Variants in PRR16 observed in about 807,000 individuals in gnomAD.
PRR16 encodes the protein protein Largen.
In PRR16, 6 loss-of-function variants were observed where a neutral mutation model predicts 18.2. The observed-to-expected ratio is 0.33, with a 90% CI of 0.18 to 0.65. PRR16 has a LOEUF of 0.65. Among genes scored for constraint, PRR16 ranks in the 30% least tolerant of loss-of-function variants. PRR16 has a pLI of 0.74. For missense variants in PRR16, 412 were observed against 376.6 expected (o/e 1.09, Z -0.78); for synonymous variants, 151 against 147.8 (o/e 1.02, Z -0.16).
intron 1 of PRR16, among the ~76,000 whole-genome samples, chr5:120,496,258 A>G (rs774835935): frequency 2.0e-5 from 3 of 152,028 alleles, no homozygotes; most frequent in East Asian, 3.8e-4. Context: ...TCTATTTTCT[A>G]GAAAATATTG....
intron 1 of PRR16, among the ~76,000 whole-genome samples, chr5:120,558,449 C>G (rs1752482000): frequency 6.6e-6 from 1 of 151,862 alleles, no homozygotes; most frequent in Non-Finnish European, 1.5e-5. Flanking sequence ...TGACTTCCAG[C>G]TCCATCCATG....
the PRR16 span, among the ~76,000 whole-genome samples, chr5:120,758,965 C>A: frequency 4.9e-3 from 715 of 144,622 alleles, 11 homozygotes; most frequent in African/African-American, 0.017. Context: ...GATTTTTGTA[C>A]CATAATTTCT....
chr5:120,754,905 G>C, the PRR16 span, among the ~76,000 whole-genome samples: 2 of 151,326 alleles, frequency 1.3e-5, no homozygotes, highest in African/African-American at 4.8e-5. Context: ...TATTTTACTT[G>C]ATAATGCTAT....
the PRR16 span, among the ~76,000 whole-genome samples, chr5:120,711,041 T>C: frequency 6.6e-6 from 1 of 152,160 alleles, no homozygotes; most frequent in Non-Finnish European, 1.5e-5. Flanking sequence ...GGTTAAGTCT[T>C]TCTCACATTG....
chr5:120,722,960 A>T, the PRR16 span, among the ~76,000 whole-genome samples: 262 of 151,568 alleles, frequency 1.7e-3, no homozygotes, highest in Admixed American at 3.5e-3. Context: ...TTTAAGAATT[A>T]TATATATAAT....
chr5:120,686,009 C>G lies in PRR16; in HGVS notation c.215C>G (p.Thr72Ser), dbSNP rs763318342. The G allele has an allele frequency of 2.9e-5, 47 of 1,613,980 alleles. No individual in the cohort carries two copies. The highest frequency in any genetic ancestry group is 1.3e-5 in the African/African-American group (1 of 74,922). The change falls in exon 2 of 2, where the codon ACT (threonine) becomes AGT (serine). Residue 72 changes from threonine (T) to serine (S), a missense_variant. Transcript: ENST00000407149. ...GACCTACAGCTGGAGGATGAGATGA[C>G]TGACAGCTCCAAAACGGACACGCTG... Reference protein sequence around the residue: ...TSDLQLEDEMTDSSKTDTLNS... With the variant: ...TSDLQLEDEMSDSSKTDTLNS...
chr5:120,465,633 C>CT (rs1159958150), intron 1 of PRR16: 1 of 152,652 alleles, frequency 6.6e-6, no homozygotes, highest in African/African-American at 2.4e-5. Context: ...GCCAGGCTGG[C>CT]TGCCGGCGGC....
At chr5:120,626,050 A>G (rs1263129729) in intron 1 of PRR16, among the ~76,000 whole-genome samples, 1 of 152,148 alleles carries the variant, frequency 6.6e-6, no homozygotes, top group African/African-American at 2.4e-5. Flanking sequence ...AAACCTTAGA[A>G]TAATAATCAA....
At chr5:120,534,904 A>T (rs1293422586) in intron 1 of PRR16, among the ~76,000 whole-genome samples, 1 of 152,182 alleles carries the variant, frequency 6.6e-6, no homozygotes, top group Admixed American at 6.5e-5. Flanking sequence ...TGAAGTGTTT[A>T]TTGTTTTAGA....
chr5:120,657,638 C>G (rs776173056), intron 1 of PRR16, among the ~76,000 whole-genome samples: 2 of 151,914 alleles, frequency 1.3e-5, no homozygotes, highest in African/African-American at 2.4e-5. Context: ...TGGAGCTAAA[C>G]AAGTGGCTTC....
the PRR16 span, among the ~76,000 whole-genome samples, chr5:120,702,474 A>C: frequency 6.6e-6 from 1 of 151,734 alleles, no homozygotes; most frequent in Non-Finnish European, 1.5e-5. Flanking sequence ...CAAGGAGAGA[A>C]GGGGTTGGGG....
chr5:120,623,064 C>T (rs368035964), intron 1 of PRR16, among the ~76,000 whole-genome samples: 4 of 151,768 alleles, frequency 2.6e-5, no homozygotes, highest in African/African-American at 7.3e-5. Context: ...TGACTTCAGA[C>T]GCATTTTATT....
chr5:120,629,737 ACT>A (rs553918729), intron 1 of PRR16, among the ~76,000 whole-genome samples: 2 of 138,560 alleles, frequency 1.4e-5, no homozygotes, highest in Non-Finnish European at 3.4e-5. Flanking sequence ...TTAGTAGAAG[ACT>A]CTGTTTGTTT....
intron 1 of PRR16, among the ~76,000 whole-genome samples, chr5:120,572,279 G>T (rs1752933275): frequency 6.6e-6 from 1 of 152,158 alleles, no homozygotes; most frequent in African/African-American, 2.4e-5. Context: ...GTGGCCATAT[G>T]TAACTGGCCA....
intron 1 of PRR16, among the ~76,000 whole-genome samples, chr5:120,549,722 A>C (rs1475221273): frequency 6.6e-6 from 1 of 152,014 alleles, no homozygotes; most frequent in Non-Finnish European, 1.5e-5. Context: ...ATTATATTTT[A>C]TGGGTACATA....
At chr5:120,699,154 A>T in the PRR16 span, among the ~76,000 whole-genome samples, 101 of 151,928 alleles carry the variant, frequency 6.6e-4, no homozygotes, top group African/African-American at 2.4e-3. Flanking sequence ...GGGAAGGGAG[A>T]GGGCCTGAAT....
intron 1 of PRR16, among the ~76,000 whole-genome samples, chr5:120,589,937 C>G (rs1753577295): frequency 6.6e-6 from 1 of 152,070 alleles, no homozygotes; most frequent in African/African-American, 2.4e-5. Context: ...AAGAAGATTA[C>G]TTAGAACTGA....
chr5:120,757,540 G>A, the PRR16 span, among the ~76,000 whole-genome samples: 4 of 151,358 alleles, frequency 2.6e-5, no homozygotes, highest in Non-Finnish European at 5.9e-5. Flanking sequence ...TTTTTCTTTT[G>A]CTATATAGTA....
intron 1 of PRR16, among the ~76,000 whole-genome samples, chr5:120,650,085 G>C (rs1294763167): frequency 6.6e-6 from 1 of 151,836 alleles, no homozygotes; most frequent in Non-Finnish European, 1.5e-5. Context: ...GGGTGTGGCA[G>C]CGCGCGTCTG....
Sources: allele counts gnomAD v4.1 joint callset (sites outside exome capture counted in the v4.1 genomes callset), GRCh38; gene constraint gnomAD v4.1.1; transcripts MANE v1.5; gene names NCBI Gene and HGNC (gene_info 2026-07-23, HGNC 2026-07-21).